TRAPPC9: variants seen among roughly 807,000 people sequenced by gnomAD.
The protein encoded by TRAPPC9 is trafficking protein particle complex subunit 9.
A neutral mutation model predicts 124.0 loss-of-function variants in TRAPPC9; 83 were observed. That is an observed-to-expected ratio of 0.67 (90% CI 0.56 to 0.80). The LOEUF is 0.80. TRAPPC9 is among the 30% of genes least tolerant of loss of function. TRAPPC9 has a pLI of 0.00. For missense variants in TRAPPC9, 1,302 were observed against 1,508.3 expected, an observed-to-expected ratio of 0.86 and a Z score of 2.27; for synonymous variants, 638 against 617.5, an observed-to-expected ratio of 1.03 and a Z score of -0.49.
At chr8:140,037,571 TACCACAC>T (rs1406501826) in intron 17 of TRAPPC9, among the ~76,000 whole-genome samples, 1 of 150,728 alleles carries the variant, frequency 6.6e-6, no homozygotes, top group African/African-American at 2.4e-5. Context: ...GTCAAACACA[TACCACAC>T]ACACACATAC....
chr8:140,380,302 G>T (rs1041079935), intron 7 of TRAPPC9, among the ~76,000 whole-genome samples: 18 of 152,156 alleles, frequency 1.2e-4, no homozygotes, highest in African/African-American at 3.9e-4. Flanking sequence ...AGTGCCAATG[G>T]GGAAAGAATT....
intron 18 of TRAPPC9, among the ~76,000 whole-genome samples, chr8:140,020,186 C>A (rs189058480): frequency 1.3e-3 from 198 of 152,180 alleles, no homozygotes; most frequent in African/African-American, 4.5e-3. Flanking sequence ...TTCAGAGAAC[C>A]AACTGTTGGT....
intron 19 of TRAPPC9, among the ~76,000 whole-genome samples, chr8:139,977,869 C>A (rs1423872160): frequency 6.6e-6 from 1 of 151,718 alleles, no homozygotes. Context: ...TTAGTAGAAA[C>A]GGGGTTTCAC....
chr8:140,224,410 A>G (rs1475088165), intron 16 of TRAPPC9, among the ~76,000 whole-genome samples: 1 of 152,210 alleles, frequency 6.6e-6, no homozygotes, highest in Admixed American at 6.5e-5. Context: ...CAGATTTCAG[A>G]AGAGTTCACC....
chr8:140,029,010 A>C (rs1007788789), intron 17 of TRAPPC9, among the ~76,000 whole-genome samples: 2 of 152,262 alleles, frequency 1.3e-5, no homozygotes, highest in Non-Finnish European at 2.9e-5. Context: ...AGAGAAAAAC[A>C]AATTGCCAAC....
At chr8:139,963,346 G>A (rs1480571079) in intron 19 of TRAPPC9, among the ~76,000 whole-genome samples, 5 of 152,164 alleles carry the variant, frequency 3.3e-5, no homozygotes, top group African/African-American at 1.2e-4. Flanking sequence ...ATACTTCTAG[G>A]AAGGTTAGAT....
chr8:140,348,725 T>TA (rs911537972), intron 9 of TRAPPC9, among the ~76,000 whole-genome samples: 1 of 152,232 alleles, frequency 6.6e-6, no homozygotes, highest in African/African-American at 2.4e-5. Context: ...AAAAATGTTC[T>TA]AAAACTGACT....
At chr8:139,923,389 C>T (rs1335909504) in intron 19 of TRAPPC9, among the ~76,000 whole-genome samples, 2 of 152,164 alleles carry the variant, frequency 1.3e-5, no homozygotes, top group South Asian at 4.1e-4. Flanking sequence ...TTTCTTCCGG[C>T]GCCCCATCTG....
At chr8:140,156,978 T>TC (rs1323800275) in intron 17 of TRAPPC9, among the ~76,000 whole-genome samples, 6 of 118,402 alleles carry the variant, frequency 5.1e-5, no homozygotes, top group Non-Finnish European at 5.4e-5. Context: ...TTCAAAAGCC[T>TC]CCCTTTCCAT....
chr8:139,886,195 A>G (rs1830004466), intron 20 of TRAPPC9, among the ~76,000 whole-genome samples: 1 of 152,230 alleles, frequency 6.6e-6, no homozygotes, highest in African/African-American at 2.4e-5. Context: ...AATCTGGTAA[A>G]TTAAACTACT....
At chr8:139,789,108 C>T (rs567680678) in intron 21 of TRAPPC9, among the ~76,000 whole-genome samples, 5 of 152,366 alleles carry the variant, frequency 3.3e-5, no homozygotes, top group African/African-American at 9.6e-5. Flanking sequence ...AAATGTCAGT[C>T]TGGAGCTCTT....
intron 6 of TRAPPC9, among the ~76,000 whole-genome samples, chr8:140,400,728 C>T (rs777773373): frequency 3.9e-5 from 6 of 152,140 alleles, no homozygotes; most frequent in Non-Finnish European, 5.9e-5. Context: ...TCCCCACCCC[C>T]TCTTACACAC....
intron 21 of TRAPPC9, among the ~76,000 whole-genome samples, chr8:139,773,904 C>T (rs956291480): frequency 2.6e-5 from 4 of 152,212 alleles, no homozygotes; most frequent in African/African-American, 7.2e-5. Context: ...TTTCACGGCA[C>T]GCATGTTCAG....
chr8:140,350,033 C>G (rs2067504579), intron 9 of TRAPPC9, among the ~76,000 whole-genome samples: 1 of 152,214 alleles, frequency 6.6e-6, no homozygotes, highest in Admixed American at 6.5e-5. Context: ...TCACAATCAT[C>G]TAACATAACT....
chr8:139,897,708 C>T (rs1416575895), intron 20 of TRAPPC9, among the ~76,000 whole-genome samples: 2 of 152,244 alleles, frequency 1.3e-5, no homozygotes, highest in African/African-American at 4.8e-5. Context: ...TTCAAACTCA[C>T]CCCAGTGGGG....
chr8:140,033,658 G>GTGTTTTTT (rs1840649505), intron 17 of TRAPPC9, among the ~76,000 whole-genome samples: 2 of 42,392 alleles, frequency 4.7e-5, no homozygotes, highest in African/African-American at 1.2e-4. Context: ...TCATAATGTG[G>GTGTTTTTT]TTTTTTTTTT....
intron 19 of TRAPPC9, among the ~76,000 whole-genome samples, chr8:139,939,340 G>A (rs1833756104): frequency 6.6e-6 from 1 of 152,242 alleles, no homozygotes; most frequent in African/African-American, 2.4e-5. Context: ...CAAGAGGCGT[G>A]GCGGGCAGGT....
intron 10 of TRAPPC9, among the ~76,000 whole-genome samples, chr8:140,306,296 C>G (rs555172103): frequency 2.1e-4 from 32 of 152,096 alleles, no homozygotes; most frequent in Admixed American, 1.9e-3. Flanking sequence ...GGGTTTGAGA[C>G]CAGCCTGGCG....
intron 19 of TRAPPC9, among the ~76,000 whole-genome samples, chr8:139,958,422 C>T (rs1213891782): frequency 1.3e-5 from 2 of 152,170 alleles, no homozygotes; most frequent in South Asian, 2.1e-4. Context: ...CAGTCTTTGC[C>T]GACCCCAGTT....
Sources: gnomAD v4.1 joint callset for allele counts (sites outside exome capture counted in the v4.1 genomes callset) on GRCh38, gnomAD v4.1.1 for gene constraint, MANE v1.5 for transcripts, NCBI Gene and HGNC (gene_info 2026-07-23, HGNC 2026-07-21) for gene names.